KIRREL3: variants seen among roughly 807,000 people sequenced by gnomAD.
KIRREL3 encodes the protein kirre like nephrin family adhesion molecule 3, also known as kin of IRRE-like protein 3.
In KIRREL3, 36 loss-of-function variants were observed where a neutral mutation model predicts 89.7. The ratio of observed to expected loss-of-function variants is 0.40; its 90% CI spans 0.31 to 0.53. The LOEUF (loss-of-function observed/expected upper bound fraction) is 0.53, where lower values mean the gene tolerates loss of function less well. Ranked by LOEUF, KIRREL3 falls within the 20% of genes least tolerant of loss-of-function variation. KIRREL3 has a pLI of 0.49. For missense variants in KIRREL3, 864 were observed against 1,056.6 expected (o/e 0.82, Z 2.53); for synonymous variants, 445 against 441.4 (o/e 1.01, Z -0.10).
intron 1 of KIRREL3, among the ~76,000 whole-genome samples, chr11:126,980,545 G>A (rs139980153): frequency 1.2e-4 from 18 of 152,276 alleles, no homozygotes; most frequent in Non-Finnish European, 2.1e-4. Context: ...AAAAAAAATC[G>A]AGGAACTTGA....
At position 126,668,693 on chromosome 11, in the gene KIRREL3, TTTTCTTTCTTTCTTTCTTTCTTTCTTTC is replaced by T. The variant is rs57753203; in HGVS notation, c.56-105809_56-105782del. Among the ~76,000 whole-genome samples, 617 of 126,708 alleles carry T rather than the reference TTTTCTTTCTTTCTTTCTTTCTTTCTTTC, an allele frequency of 4.9e-3. 2 individuals carry two copies. Among genetic ancestry groups the T allele is most frequent in the Middle Eastern group, 7.7e-3 (2 of 260 alleles). The allele number at this position is 126,708 out of a possible 152,430, so 83.1% of individuals were successfully genotyped here. On this transcript the variant is annotated intron_variant, in intron 1 of 16. Transcript: ENST00000525144. This position sits in a 1 kb window ranked among gnomAD's most constrained non-coding sequence, Gnocchi z 4.4. ...TAAAGAGCTGTTGGGAAGTTTCTGT[TTTTCTTTCTTTCTTTCTTTCTTTCTTTC>T]TTTCTTTCTTTCTTTCTTTCTTTCT... is the stretch of plus-strand genomic sequence containing the variant.
At chr11:126,902,762 G>C (rs1343898857) in intron 1 of KIRREL3, among the ~76,000 whole-genome samples, 1 of 152,174 alleles carries the variant, frequency 6.6e-6, no homozygotes, top group Non-Finnish European at 1.5e-5. Flanking sequence ...ATTCTGGATG[G>C]AAAAACCTAG....
chr11:126,755,525 A>G lies in KIRREL3; in HGVS notation c.56-192613T>C, dbSNP rs2134254110. On this transcript the variant is annotated intron_variant, in intron 1 of 16. Coordinates refer to ENST00000525144, the MANE Select transcript of KIRREL3 (RefSeq NM_032531.4). This position sits in a 1 kb window ranked among gnomAD's most constrained non-coding sequence, Gnocchi z 4.3. Reference sequence around the variant, plus strand: ...CCATTGCTCTCTTTAAAAAAGACACACACCAGAAAGTAAAAAAACAAAACA... The same window carrying G: ...CCATTGCTCTCTTTAAAAAAGACACGCACCAGAAAGTAAAAAAACAAAACA... Among the ~76,000 whole-genome samples, 1 of 152,238 alleles carries G rather than the reference A, an allele frequency of 6.6e-6. No homozygotes were observed. Among genetic ancestry groups the G allele is most frequent in the African/African-American group, 2.4e-5 (1 of 41,540 alleles).
chr11:126,680,953 C>T (rs1450466030), intron 1 of KIRREL3, among the ~76,000 whole-genome samples: 3 of 152,174 alleles, frequency 2.0e-5, no homozygotes, highest in Non-Finnish European at 4.4e-5. Flanking sequence ...TCCCCCACTG[C>T]TCTGTCTGTC....
In KIRREL3 at chr11:126,568,755, G is replaced by A. The variant is rs1940706846; in HGVS notation, c.56-5843C>T. On this transcript the variant is annotated intron_variant, in intron 1 of 16. Transcript: ENST00000525144. This position sits in a 1 kb window ranked among gnomAD's most constrained non-coding sequence, Gnocchi z 4.6. ...GAAAAGCAAATGAGCCAACACATGG[G>A]CAAAAGTGCCCAGAATGAAGTACCT... Among the ~76,000 whole-genome samples, 1 of 152,156 alleles carries A rather than the reference G, an allele frequency of 6.6e-6. No homozygotes were observed. The highest frequency in any genetic ancestry group is 6.5e-5 in the Admixed American group (1 of 15,282).
Position 126,449,034 on chromosome 11 carries a change from G to A in KIRREL3, c.972C>T (p.Asn324=). The A allele has an allele frequency of 6.2e-7, 1 of 1,613,134 alleles. No individual in the cohort carries two copies. The highest frequency in any genetic ancestry group is 1.7e-5 in the Admixed American group (1 of 60,012). ...AGTAGACGTCAACCGTGCGGCTGAG[G>A]TTGGTGCTGCCCAGGGCGTTGGTCA... is the stretch of plus-strand genomic sequence containing the variant. ...CEVTNALGST[N]LSRTVDVYFG... is the part of the protein sequence containing the mutation. The change falls in exon 8 of 17, where the codon AAC becomes AAT. Residue 324 remains asparagine (N), a synonymous_variant. Coordinates refer to ENST00000525144, the MANE Select transcript of KIRREL3 (RefSeq NM_032531.4).
intron 1 of KIRREL3, among the ~76,000 whole-genome samples, chr11:126,591,805 T>A (rs1469345056): frequency 2.0e-5 from 3 of 152,216 alleles, no homozygotes; most frequent in Non-Finnish European, 4.4e-5. Context: ...ATGCTCTGTT[T>A]TACCAGTAAG....
At chr11:126,957,033 C>T (rs1217260794) in intron 1 of KIRREL3, among the ~76,000 whole-genome samples, 1 of 152,240 alleles carries the variant, frequency 6.6e-6, no homozygotes, top group Non-Finnish European at 1.5e-5. Context: ...AGTCTTCATA[C>T]AGGAGACACA....
In KIRREL3 at chr11:126,776,468, C is replaced by A. The variant is rs1381033577; in HGVS notation, c.56-213556G>T. ...GAGAATCAAATGAAATGATTTGCAG[C>A]ACCATAGCAGAGATATGGTGCTGCA... On this transcript the variant is annotated intron_variant, in intron 1 of 16. Transcript: ENST00000525144. This position sits in a 1 kb window ranked among gnomAD's most constrained non-coding sequence, Gnocchi z 4.7. Among the ~76,000 whole-genome samples the A allele has an allele frequency of 6.6e-6, 1 of 152,160 alleles. No individual in the cohort carries two copies. Among genetic ancestry groups the A allele is most frequent in the Non-Finnish European group, 1.5e-5 (1 of 68,032 alleles).
intron 1 of KIRREL3, among the ~76,000 whole-genome samples, chr11:126,858,147 A>G (rs1944591262): frequency 6.6e-6 from 1 of 152,216 alleles, no homozygotes; most frequent in Admixed American, 6.5e-5. Flanking sequence ...GTCCATTTCA[A>G]CCATCATGTC....
At chr11:126,497,172 AAGAG>A (rs754791150) in intron 4 of KIRREL3, among the ~76,000 whole-genome samples, 1 of 144,082 alleles carries the variant, frequency 6.9e-6, no homozygotes, top group African/African-American at 2.7e-5. Context: ...GTGCATGTGT[AAGAG>A]AGTGTGTGAG....
chr11:126,663,358 T>C (rs1945510964), intron 1 of KIRREL3, among the ~76,000 whole-genome samples: 1 of 151,980 alleles, frequency 6.6e-6, no homozygotes, highest in Admixed American at 6.5e-5. Context: ...GCTAATTTTT[T>C]GTATTTTTAG....
intron 1 of KIRREL3, among the ~76,000 whole-genome samples, chr11:126,583,114 C>G (rs567398965): frequency 6.6e-6 from 1 of 152,188 alleles, no homozygotes; most frequent in Non-Finnish European, 1.5e-5. Context: ...GCTGGCTCCC[C>G]GGGCCCCATA....
chr11:126,444,205 T>C (rs1302612348), intron 10 of KIRREL3, among the ~76,000 whole-genome samples: 1 of 152,172 alleles, frequency 6.6e-6, no homozygotes, highest in Non-Finnish European at 1.5e-5. Flanking sequence ...TTATTATATA[T>C]AATAAGACAT....
chr11:126,746,694 T>G (rs1949163477), intron 1 of KIRREL3, among the ~76,000 whole-genome samples: 1 of 152,156 alleles, frequency 6.6e-6, no homozygotes, highest in African/African-American at 2.4e-5. Context: ...TCTATGAAAG[T>G]TCTGACCTGC....
At chr11:126,503,635 T>G (rs888527635) in intron 4 of KIRREL3, among the ~76,000 whole-genome samples, 1 of 152,186 alleles carries the variant, frequency 6.6e-6, no homozygotes, top group Admixed American at 6.5e-5. Context: ...GCAGTTAATA[T>G]ATTGCAACTC....
rs917731322 is a variant in KIRREL3 at position 126,558,968 on chromosome 11, G to A, written c.133+3867C>T. On this transcript the variant is annotated intron_variant, in intron 2 of 16. Transcript: ENST00000525144. This position sits in a 1 kb window ranked among gnomAD's most constrained non-coding sequence, Gnocchi z 4.0. ...TCATGTGTGTGTTGGAGATGTGGCT[G>A]AGGAACCAGTGAGAGTAAACTGGAT... is the stretch of plus-strand genomic sequence containing the variant. 1.3e-5 allele frequency among the ~76,000 whole-genome samples: 2 copies of A among 152,164 alleles called. No homozygotes were observed. The highest frequency in any genetic ancestry group is 2.9e-5 in the Non-Finnish European group (2 of 68,026).
In KIRREL3 at chr11:126,900,875, T is replaced by C. The variant is rs1473135705; in HGVS notation, c.55+99580A>G. 6.6e-6 allele frequency among the ~76,000 whole-genome samples: 1 copy of C among 152,164 alleles called. No individual in the cohort carries two copies. Among genetic ancestry groups the C allele is most frequent in the African/African-American group, 2.4e-5 (1 of 41,442 alleles). On this transcript the variant is annotated intron_variant, in intron 1 of 16. Transcript: ENST00000525144. The surrounding 1 kb of genome is among the most constrained non-coding windows in gnomAD (Gnocchi z 4.4). ...ACAGTTGCAAGTTAACTCAAGTAAC[T>C]GATTTTTTGTATGTAAAACTGTAGG... is the stretch of plus-strand genomic sequence containing the variant.
At position 126,757,164 on chromosome 11, in the gene KIRREL3, C is replaced by T. The variant is rs536177670; in HGVS notation, c.56-194252G>A. On this transcript the variant is annotated intron_variant, in intron 1 of 16. Transcript: ENST00000525144. ...CTCCATTTCATGGAGACTAATGTGG[C>T]ATTTACAACATAAACAATCACTTCT... 2.6e-5 allele frequency among the ~76,000 whole-genome samples: 4 copies of T among 152,226 alleles called. No homozygotes were observed. In the South Asian group the frequency reaches 8.3e-4, roughly 32 times the overall value.
Sources: allele counts gnomAD v4.1 joint callset (sites outside exome capture counted in the v4.1 genomes callset), GRCh38; gene constraint gnomAD v4.1.1; non-coding constraint Gnocchi (gnomAD v3.1); transcripts MANE v1.5; gene names NCBI Gene and HGNC (gene_info 2026-07-23, HGNC 2026-07-21).